Variants in FAF1 observed in about 807,000 individuals in gnomAD.
FAF1 encodes the protein FAS-associated factor 1.
FAF1 carries 25 observed loss-of-function variants against 92.5 expected under a neutral mutation model. The observed-to-expected ratio is 0.27, with a 90% CI of 0.20 to 0.38. The LOEUF (loss-of-function observed/expected upper bound fraction) is 0.38, where lower values mean the gene tolerates loss of function less well. FAF1 is among the 10% of genes least tolerant of loss of function. FAF1 has a pLI of 1.00. For synonymous variants in FAF1, 234 were observed against 273.2 expected (o/e 0.86, Z 1.42); for missense variants, 636 against 793.3 (o/e 0.80, Z 2.38).
At chr1:50,785,970 A>C (rs549489937) in intron 4 of FAF1, among the ~76,000 whole-genome samples, 6 of 151,844 alleles carry the variant, frequency 4.0e-5, no homozygotes, top group African/African-American at 1.4e-4. Flanking sequence ...CTTCTCTACA[A>C]AGAAAAAAAA....
intron 8 of FAF1, among the ~76,000 whole-genome samples, chr1:50,629,117 T>G (rs947176492): frequency 6.6e-5 from 10 of 151,772 alleles, no homozygotes; most frequent in Admixed American, 6.6e-5. Context: ...CAGAGAGGCA[T>G]GAGCTTAAGG....
intron 8 of FAF1, among the ~76,000 whole-genome samples, chr1:50,596,777 T>C (rs1651841267): frequency 2.6e-5 from 4 of 152,202 alleles, no homozygotes; most frequent in Non-Finnish European, 5.9e-5. Context: ...AGATTAGCCT[T>C]AAATAACCTG....
In FAF1 at chr1:50,738,916, A is replaced by C. The variant is rs768210237; in HGVS notation, c.498T>G (p.Ser166Arg). The C allele has an allele frequency of 6.2e-7, 1 of 1,609,622 alleles. No individual in the cohort carries two copies. Among genetic ancestry groups the C allele is most frequent in the African/African-American group, 1.3e-5 (1 of 74,882 alleles). The change falls in exon 6 of 19, where the codon AGT becomes AGG. Residue 166 changes from serine (S) to arginine (R), a missense_variant. Around this residue, in one of 2 missense-constraint regions of FAF1, gnomAD observed 317 missense variants for 342.4 expected, o/e 0.93. Transcript: ENST00000396153. The stretch of plus-strand genomic sequence containing the variant: ...GCAAATCTGGTGTAAGGACATAAAG[A>C]CTGTTGTTTTTTGGCAAGTGTAGAG... ...LKSLHLPKNN[S>R]LYVLTPDLPP...
chr1:50,668,844 A>C (rs1314472565), intron 7 of FAF1, among the ~76,000 whole-genome samples: 1 of 152,174 alleles, frequency 6.6e-6, no homozygotes, highest in Non-Finnish European at 1.5e-5. Flanking sequence ...ATCAGGAAAA[A>C]AAATTTAACC....
In FAF1 at chr1:50,742,267, T is replaced by C. The variant is rs113845971; in HGVS notation, c.459+2417A>G. Among the ~76,000 whole-genome samples, 462 of 152,056 alleles carry C rather than the reference T, an allele frequency of 3.0e-3. 4 individuals carry two copies. Among genetic ancestry groups the C allele is most frequent in the African/African-American group, 0.011 (436 of 41,488 alleles). On this transcript the variant is annotated intron_variant, in intron 5 of 18. Transcript: ENST00000396153. ...AGGTCAAGGCAGCAATGAGCCATGA[T>C]TGTACCGCTGCACTCCAGCCTAAGC...
At chr1:50,489,294 T>G (rs767663401) in intron 17 of FAF1, among the ~76,000 whole-genome samples, 2 of 152,242 alleles carry the variant, frequency 1.3e-5, no homozygotes, top group Non-Finnish European at 2.9e-5. Context: ...CAAGTGAAAG[T>G]GGTGTCATAC....
At chr1:50,797,666 C>T (rs1661813823) in intron 3 of FAF1, among the ~76,000 whole-genome samples, 1 of 152,012 alleles carries the variant, frequency 6.6e-6, no homozygotes, top group African/African-American at 2.4e-5. Flanking sequence ...GCCTGGGCTA[C>T]AGAGCAAGAG....
chr1:50,641,889 C>T (rs77703979), intron 8 of FAF1, among the ~76,000 whole-genome samples: 2,468 of 152,118 alleles, frequency 0.016, 73 homozygotes, highest in African/African-American at 0.055. Context: ...TACAGAATCT[C>T]TTTTTTTAGT....
At position 50,600,385 on chromosome 1, in the gene FAF1, T is replaced by C. The variant is rs929238765; in HGVS notation, c.745-4169A>G. 3.3e-5 allele frequency among the ~76,000 whole-genome samples: 5 copies of C among 152,312 alleles called. No homozygotes were observed. In the East Asian group the frequency reaches 7.7e-4, roughly 23 times the overall value. ...ATAAAATTATGTATGGATAAAGGTT[T>C]AATTCAAACTGTGAGGCAGACCAAT... On this transcript the variant is annotated intron_variant, in intron 8 of 18. Coordinates refer to ENST00000396153, the MANE Select transcript of FAF1 (RefSeq NM_007051.3).
At chr1:50,460,579 ATGTGTGTGTGTATGTATATATATGTG>A (rs957510346) in intron 18 of FAF1, among the ~76,000 whole-genome samples, 6 of 151,744 alleles carry the variant, frequency 4.0e-5, no homozygotes, top group African/African-American at 1.5e-4. Flanking sequence ...ATATGCATGT[ATGTGTGTGTGTATGTATATATATGTG>A]TGTGTGTGTG....
intron 1 of FAF1, among the ~76,000 whole-genome samples, chr1:50,955,549 G>A (rs1645258793): frequency 6.6e-6 from 1 of 152,116 alleles, no homozygotes; most frequent in African/African-American, 2.4e-5. Context: ...AAATTTTGGT[G>A]GTGCAGCCAC....
chr1:50,879,825 T>C (rs1314559529), intron 1 of FAF1, among the ~76,000 whole-genome samples: 1 of 152,176 alleles, frequency 6.6e-6, no homozygotes, highest in Non-Finnish European at 1.5e-5. Context: ...CTCCAGATGA[T>C]TCTGATGCAA....
At chr1:50,682,221 C>T (rs1052638615) in intron 7 of FAF1, among the ~76,000 whole-genome samples, 3 of 152,046 alleles carry the variant, frequency 2.0e-5, no homozygotes, top group African/African-American at 7.2e-5. Context: ...AACTGTGAGG[C>T]TGGGTGCAGT....
chr1:50,561,782 G>A (rs774583228), intron 13 of FAF1, among the ~76,000 whole-genome samples: 7 of 151,964 alleles, frequency 4.6e-5, no homozygotes, highest in Non-Finnish European at 8.8e-5. Context: ...GCTGGATTGC[G>A]CCACCGCACT....
chr1:50,647,225 C>G (rs1654638817), intron 8 of FAF1, among the ~76,000 whole-genome samples: 1 of 152,200 alleles, frequency 6.6e-6, no homozygotes, highest in African/African-American at 2.4e-5. Context: ...AGACTGAAAA[C>G]CTAACTTATG....
intron 1 of FAF1, among the ~76,000 whole-genome samples, chr1:50,862,217 T>G (rs1644440854): frequency 6.6e-6 from 1 of 151,694 alleles, no homozygotes; most frequent in Non-Finnish European, 1.5e-5. Context: ...CAACAAAGTA[T>G]GTGGCCCATT....
chr1:50,463,423 G>A (rs2148990577), intron 18 of FAF1, among the ~76,000 whole-genome samples: 1 of 152,264 alleles, frequency 6.6e-6, no homozygotes, highest in East Asian at 1.9e-4. Context: ...GTCTTCCCAG[G>A]AAATCACTGA....
intron 12 of FAF1, among the ~76,000 whole-genome samples, chr1:50,579,728 C>T (rs980591308): frequency 1.3e-5 from 2 of 151,982 alleles, no homozygotes; most frequent in Admixed American, 6.6e-5. Flanking sequence ...ACAAGTCATC[C>T]GGTCTGATTT....
intron 3 of FAF1, among the ~76,000 whole-genome samples, chr1:50,798,509 A>C (rs1569965611): frequency 6.6e-6 from 1 of 152,258 alleles, no homozygotes; most frequent in East Asian, 1.9e-4. Flanking sequence ...CAATATGTTA[A>C]ATAAATAATA....
Sources: gnomAD v4.1 joint callset for allele counts (sites outside exome capture counted in the v4.1 genomes callset) on GRCh38, gnomAD v4.1.1 for gene constraint, gnomAD v4.1.1 regional missense constraint, MANE v1.5 for transcripts, NCBI Gene and HGNC (gene_info 2026-07-23, HGNC 2026-07-21) for gene names.